Variants in ST18 observed in about 807,000 individuals in gnomAD.
The protein encoded by ST18 is ST18 C2H2C-type zinc finger transcription factor.
A neutral mutation model predicts 110.0 loss-of-function variants in ST18; 50 were observed. The observed-to-expected ratio is 0.45, with a 90% CI of 0.36 to 0.58. The LOEUF (loss-of-function observed/expected upper bound fraction) is 0.58, where lower values mean the gene tolerates loss of function less well. ST18 is among the 20% of genes least tolerant of loss of function. The pLI is 0.00. For missense variants in ST18, 1,306 were observed against 1,280.1 expected (o/e 1.02, Z -0.31); for synonymous variants, 461 against 452.4 (o/e 1.02, Z -0.24).
At chr8:52,212,312 G>C (rs72642757) in intron 7 of ST18, among the ~76,000 whole-genome samples, 4,188 of 152,240 alleles carry the variant, frequency 0.028, 77 homozygotes, top group Non-Finnish European at 0.045. Flanking sequence ...TTAGTACCTT[G>C]GGTGAACTGG....
At chr8:52,373,149 G>A (rs1289532982) in intron 2 of ST18, among the ~76,000 whole-genome samples, 1 of 152,032 alleles carries the variant, frequency 6.6e-6, no homozygotes, top group African/African-American at 2.4e-5. Context: ...AAATCCATAT[G>A]AGAGTTTGTT....
chr8:52,178,556 G>A (rs1468280895), intron 9 of ST18, among the ~76,000 whole-genome samples: 3 of 137,808 alleles, frequency 2.2e-5, no homozygotes, highest in Non-Finnish European at 4.5e-5. Context: ...GGTGGAGGTT[G>A]CAGTGAGCTG....
chr8:52,200,163 C>A (rs2077477508), intron 8 of ST18, among the ~76,000 whole-genome samples: 1 of 148,038 alleles, frequency 6.8e-6, no homozygotes, highest in Non-Finnish European at 1.5e-5. Flanking sequence ...GAGATTCCTG[C>A]TCCACAAAAC....
chr8:52,358,764 G>A (rs1173880199), intron 2 of ST18, among the ~76,000 whole-genome samples: 1 of 151,832 alleles, frequency 6.6e-6, no homozygotes, highest in Non-Finnish European at 1.5e-5. Context: ...GAATTGGCCT[G>A]GTGAATTCTA....
Position 52,166,985 on chromosome 8 carries a change from A to C in ST18, c.1071T>G (p.His357Gln), listed in dbSNP as rs2063232458. The change falls in exon 11 of 26, where the codon CAT (histidine) becomes CAG (glutamine). Residue 357 changes from histidine to glutamine, a missense_variant and splice_region_variant. Coordinates refer to ENST00000689386, the MANE Select transcript of ST18 (RefSeq NM_001352837.2). ...TCTCCCTCTTTTCAGGCCTTGGTGA[A>C]TCTATGGAGAAATTCAATTGAGAAA... ...MGGRQIFNNK[H>Q]SPRPEKRETK... is the part of the protein sequence containing the mutation. 6.2e-7 allele frequency: 1 copy of C among 1,601,306 alleles called. No homozygotes were observed.
At chr8:52,124,815 C>T (rs1321100485) in intron 23 of ST18, among the ~76,000 whole-genome samples, 2 of 151,984 alleles carry the variant, frequency 1.3e-5, no homozygotes, top group African/African-American at 4.8e-5. Flanking sequence ...CCAACAAGGA[C>T]CGCTTTAAAT....
chr8:52,184,515 A>C (rs542537599), intron 8 of ST18, among the ~76,000 whole-genome samples: 1 of 152,296 alleles, frequency 6.6e-6, no homozygotes, highest in South Asian at 2.1e-4. Flanking sequence ...GTTGAATGAA[A>C]ATTTTTTTGA....
intron 2 of ST18, among the ~76,000 whole-genome samples, chr8:52,399,035 T>G (rs544005366): frequency 6.6e-6 from 1 of 152,118 alleles, no homozygotes; most frequent in African/African-American, 2.4e-5. Flanking sequence ...TTTGAATGTT[T>G]GATAGAATTC....
chr8:52,172,363 C>G lies in ST18; in HGVS notation c.498G>C (p.Glu166Asp). ...SLKAESDEAD[E>D]CFLIHSDDGR... The stretch of plus-strand genomic sequence containing the variant: ...CATCATCAGAATGAATCAGAAAGCA[C>G]TCGTCTGCTTCATCGCTCTCTGCTT... Residue 166 changes from glutamate to aspartate, a missense_variant, in exon 10 of 26, where the codon GAG becomes GAC. By Grantham distance (45) the Glu-to-Asp change is conservative (BLOSUM62 2). Transcript: ENST00000689386. 6.2e-7 allele frequency: 1 copy of G among 1,614,112 alleles called. No individual in the cohort carries two copies. The highest frequency in any genetic ancestry group is 8.5e-7 in the Non-Finnish European group (1 of 1,180,016).
chr8:52,329,937 A>T (rs1808404705), intron 2 of ST18, among the ~76,000 whole-genome samples: 1 of 152,164 alleles, frequency 6.6e-6, no homozygotes, highest in East Asian at 1.9e-4. Context: ...TGGGTTGGCT[A>T]GTGAATGTTT....
chr8:52,159,026 A>T lies in ST18; in HGVS notation c.1678T>A (p.Ser560Thr), dbSNP rs1458995206. 1 of 1,614,102 alleles carries T rather than the reference A, an allele frequency of 6.2e-7. No homozygotes were observed. The highest frequency in any genetic ancestry group is 2.2e-5 in the East Asian group (1 of 44,878). The change falls in exon 15 of 26, where the codon TCT becomes ACT. Residue 560 changes from serine (S) to threonine (T), a missense_variant. Physicochemically the swap from Ser to Thr is moderately conservative, Grantham distance 58. Coordinates refer to ENST00000689386, the MANE Select transcript of ST18 (RefSeq NM_001352837.2). ...AHTQSPGRAS[S>T]YSYGQCSEDT... Reference sequence around the variant, plus strand: ...TCACTACATTGACCGTAGCTATAAGAGCTGGCACGGCCAGGGCTCTGGGTG... The same window carrying T: ...TCACTACATTGACCGTAGCTATAAGTGCTGGCACGGCCAGGGCTCTGGGTG...
chr8:52,136,582 G>A lies in ST18; in HGVS notation c.2300+8C>T, dbSNP rs376583231. The A allele has an allele frequency of 4.0e-5, 65 of 1,608,028 alleles. No individual in the cohort carries two copies. The highest frequency in any genetic ancestry group is 5.3e-5 in the African/African-American group (4 of 74,930). On this transcript the variant is annotated splice_region_variant and intron_variant, in intron 19 of 25. Coordinates refer to ENST00000689386, the MANE Select transcript of ST18 (RefSeq NM_001352837.2). ...GAAGGGCAAGCCGGCCACGCTTCCC[G>A]CACTTACTTAAGCTCCTGAGAGTTG...
Position 52,327,499 on chromosome 8 carries a change from CT to C in ST18, c.-465+81828del, listed in dbSNP as rs1305713918. Among the ~76,000 whole-genome samples, 11 of 152,324 alleles carry C rather than the reference CT, an allele frequency of 7.2e-5. 1 individual carries two copies. The highest frequency in any genetic ancestry group is 5.8e-4 in the East Asian group (3 of 5,192). On this transcript the variant is annotated intron_variant, in intron 2 of 25. Coordinates refer to ENST00000689386, the MANE Select transcript of ST18 (RefSeq NM_001352837.2). ...TAAAAGGGTACCATTGTCCTGTGAT[CT>C]AGAGTAGCAACTTGAATTTCCAACA...
intron 2 of ST18, among the ~76,000 whole-genome samples, chr8:52,326,843 T>A (rs1806666008): frequency 6.6e-6 from 1 of 152,170 alleles, no homozygotes; most frequent in South Asian, 2.1e-4. Flanking sequence ...AATGAATATG[T>A]CACAGCTTCT....
At chr8:52,154,471 T>C (rs1241881543) in intron 15 of ST18, 1 of 152,216 alleles carries the variant, frequency 6.6e-6, no homozygotes, top group East Asian at 1.9e-4. Context: ...AGGATAAAGA[T>C]AGACTGCAAG....
intron 6 of ST18, among the ~76,000 whole-genome samples, chr8:52,216,891 G>T (rs934181020): frequency 4.6e-5 from 7 of 152,156 alleles, no homozygotes; most frequent in African/African-American, 1.7e-4. Context: ...ACGTCAGTGT[G>T]TGTGTTCAGG....
chr8:52,273,116 G>A (rs189198784), intron 2 of ST18, among the ~76,000 whole-genome samples: 2 of 152,238 alleles, frequency 1.3e-5, no homozygotes, highest in Admixed American at 6.5e-5. Flanking sequence ...GATTGGAAAG[G>A]TTCTGAAAAG....
At chr8:52,388,774 A>G (rs1328327913) in intron 2 of ST18, among the ~76,000 whole-genome samples, 1 of 130,822 alleles carries the variant, frequency 7.6e-6, no homozygotes, top group East Asian at 2.3e-4. Flanking sequence ...CAAGCAACAC[A>G]TGGACACAGG....
At chr8:52,242,314 A>T (rs1353021316) in intron 2 of ST18, among the ~76,000 whole-genome samples, 1 of 152,204 alleles carries the variant, frequency 6.6e-6, no homozygotes, top group African/African-American at 2.4e-5. Flanking sequence ...ACAAGCCCAT[A>T]GAGTAAAAGC....
Sources: gnomAD v4.1 joint callset for allele counts (sites outside exome capture counted in the v4.1 genomes callset) on GRCh38, gnomAD v4.1.1 for gene constraint, MANE v1.5 for transcripts, NCBI Gene and HGNC (gene_info 2026-07-23, HGNC 2026-07-21) for gene names.